The following SLN variants were observed in gnomAD, a reference collection of about 807,000 sequenced individuals.
SLN encodes the protein sarcolipin.
For missense variants in SLN, 34 were observed against 37.4 expected, an observed-to-expected ratio of 0.91 and a Z score of 0.24; for synonymous variants, 19 against 14.4, an observed-to-expected ratio of 1.32 and a Z score of -0.72.
Position 107,707,729 on chromosome 11 carries a change from C to G in SLN, c.*106G>C. 1.3e-6 allele frequency: 1 copy of G among 798,156 alleles called. No individual in the cohort carries two copies. The highest frequency in any genetic ancestry group is 1.9e-5 in the Admixed American group (1 of 53,226). The allele number at this position is 798,156 out of a possible 1,614,324, so 49.4% of individuals were successfully genotyped here. Reference sequence around the variant, plus strand: ...TGTGAGTGCAGGTCACAGGTGCCCTCGGATGGAGAATGGCATCCTGTGACA... The same window carrying G: ...TGTGAGTGCAGGTCACAGGTGCCCTGGGATGGAGAATGGCATCCTGTGACA... On this transcript the variant is annotated 3_prime_UTR_variant, in exon 2 of 2. Coordinates refer to ENST00000305991, the MANE Select transcript of SLN (RefSeq NM_003063.3).
chr11:107,709,929 A>T lies in SLN; in HGVS notation c.-75-1924T>A, dbSNP rs184393653. ...GCCTAGGAGTTCAAGACCAGCCTGG[A>T]TAACACAGCAAGACCCTGTCTCTCC... On this transcript the variant is annotated intron_variant, in intron 1 of 1. Coordinates refer to ENST00000305991, the MANE Select transcript of SLN (RefSeq NM_003063.3). Among the ~76,000 whole-genome samples the T allele has an allele frequency of 4.7e-4, 72 of 152,302 alleles. No homozygotes were observed. The East Asian group carries it at 0.013, about 27-fold the overall frequency.
rs138139625 is a variant in SLN at position 107,711,606 on chromosome 11, G to C, written c.-76+357C>G. Among the ~76,000 whole-genome samples, 404 of 152,272 alleles carry C rather than the reference G, an allele frequency of 2.7e-3. 2 individuals carry two copies. Among genetic ancestry groups the C allele is most frequent in the African/African-American group, 9.3e-3 (387 of 41,564 alleles). ...CCCTGAAGTCAAGGTCATGCCATAT[G>C]ATCCAGTGATTGCAAATGGATGAAC... On this transcript the variant is annotated intron_variant, in intron 1 of 1. Coordinates refer to ENST00000305991, the MANE Select transcript of SLN (RefSeq NM_003063.3).
chr11:107,707,746 C>A lies in SLN; in HGVS notation c.*89G>T. ...GGTGCCCTCGGATGGAGAATGGCATCCTGTGACAATGACAGCAGTGGGGTC... is the reference window on the plus strand; with the variant it reads ...GGTGCCCTCGGATGGAGAATGGCATACTGTGACAATGACAGCAGTGGGGTC... On this transcript the variant is annotated 3_prime_UTR_variant, in exon 2 of 2. Transcript: ENST00000305991. The A allele has an allele frequency of 2.2e-6, 2 of 923,628 alleles. No individual in the cohort carries two copies. The highest frequency in any genetic ancestry group is 3.6e-6 in the Non-Finnish European group (2 of 560,872). The allele number at this position is 923,628 out of a possible 1,614,324, so 57.2% of individuals were successfully genotyped here.
rs553098946 is a variant in SLN at position 107,708,333 on chromosome 11, A to G, written c.-75-328T>C. 2.0e-5 allele frequency among the ~76,000 whole-genome samples: 3 copies of G among 152,098 alleles called. No individual in the cohort carries two copies. In the South Asian group the frequency reaches 6.2e-4, roughly 32 times the overall value. On this transcript the variant is annotated intron_variant, in intron 1 of 1. Transcript: ENST00000305991. Reference sequence around the variant, plus strand: ...GAAGACCATGTGAAAACACAAGGAGAAGATGGGCATTTACAAGCCAAAGAA... The same window carrying G: ...GAAGACCATGTGAAAACACAAGGAGGAGATGGGCATTTACAAGCCAAAGAA...
Position 107,707,582 on chromosome 11 carries a change from C to T in SLN, c.*253G>A. On this transcript the variant is annotated 3_prime_UTR_variant, in exon 2 of 2. Transcript: ENST00000305991. ...AATTTTAACTTTGTGGCTTGTCTAA[C>T]ACATTTTCAGTTAAGAGTTGGGGAA... 2.3e-6 allele frequency: 1 copy of T among 428,184 alleles called. No individual in the cohort carries two copies. The highest frequency in any genetic ancestry group is 4.2e-6 in the Non-Finnish European group (1 of 239,246). The allele number at this position is 428,184 out of a possible 1,614,324, so 26.5% of individuals were successfully genotyped here.
chr11:107,711,691 T>A (rs546827913), intron 1 of SLN, among the ~76,000 whole-genome samples: 1 of 151,828 alleles, frequency 6.6e-6, no homozygotes, highest in East Asian at 1.9e-4. Flanking sequence ...TTTCTTTGAA[T>A]GGAGACTTAG....
At chr11:107,709,536 A>C (rs1867189297) in intron 1 of SLN, among the ~76,000 whole-genome samples, 1 of 152,192 alleles carries the variant, frequency 6.6e-6, no homozygotes, top group African/African-American at 2.4e-5. Flanking sequence ...CATTTTTCAT[A>C]TTGTGTAATT....
intron 1 of SLN, among the ~76,000 whole-genome samples, chr11:107,708,596 G>C (rs183063768): frequency 1.3e-5 from 2 of 152,290 alleles, no homozygotes; most frequent in Admixed American, 6.5e-5. Context: ...TACAGAGAGA[G>C]AGCCTGATTT....
chr11:107,709,806 A>G (rs1327271649), intron 1 of SLN, among the ~76,000 whole-genome samples: 1 of 152,296 alleles, frequency 6.6e-6, no homozygotes, highest in Non-Finnish European at 1.5e-5. Context: ...TGAAGGAAAT[A>G]GTAAATTGCC....
Sources: gnomAD v4.1 joint callset for allele counts (sites outside exome capture counted in the v4.1 genomes callset) on GRCh38, gnomAD v4.1.1 for gene constraint, MANE v1.5 for transcripts, NCBI Gene and HGNC (gene_info 2026-07-23, HGNC 2026-07-21) for gene names.